PKP2: variants seen among roughly 807,000 people sequenced by gnomAD.
PKP2 encodes plakophilin 2, also known as plakophilin-2.
In PKP2, 73 loss-of-function variants were observed where a neutral mutation model predicts 83.4. That is an observed-to-expected ratio of 0.88 (90% confidence interval 0.72 to 1.06). The LOEUF is 1.06. PKP2 is among the 50% of genes least tolerant of loss of function. PKP2 has a pLI of 0.00. For missense variants in PKP2, 966 were observed against 1,065.4 expected, an observed-to-expected ratio of 0.91 and a Z score of 1.30; for synonymous variants, 409 against 430.4, an observed-to-expected ratio of 0.95 and a Z score of 0.62.
intron 1 of PKP2, among the ~76,000 whole-genome samples, 186 bp from the exon 2 acceptor site, chr12:32,879,218 A>G (rs1394181310): frequency 6.6e-6 from 1 of 152,238 alleles, no homozygotes; most frequent in Non-Finnish European, 1.5e-5. Context: ...AAGTGATCAA[A>G]GGTTATCAAA....
intron 9 of PKP2, among the ~76,000 whole-genome samples, chr12:32,805,786 C>T (rs1415722110): frequency 2.0e-5 from 3 of 152,144 alleles, no homozygotes; most frequent in Non-Finnish European, 2.9e-5. Context: ...CTTGGCTATT[C>T]GGCTCTTTTT....
chr12:32,887,144 C>A (rs1014481519), intron 1 of PKP2, among the ~76,000 whole-genome samples: 2 of 152,142 alleles, frequency 1.3e-5, no homozygotes, highest in African/African-American at 4.8e-5. Context: ...CATAATCAAC[C>A]ATGAGAAACA....
intron 1 of PKP2, among the ~76,000 whole-genome samples, chr12:32,887,641 G>A (rs890955701): frequency 6.6e-6 from 1 of 152,112 alleles, no homozygotes; most frequent in African/African-American, 2.4e-5. Flanking sequence ...TAGTAGAGAT[G>A]GGGTTTTGCC....
rs1377119048 is a variant in PKP2, at chr12:32,877,827, G to A, written c.1034+19C>T. On this transcript the variant is annotated intron_variant, in intron 3 of 12. Transcript: ENST00000340811. ...ATGTGCTGGCAATGACTGAACTGCA[G>A]AGTCAGGAGGGGACTTACCCCAGCT... The A allele has an allele frequency of 3.2e-6, 5 of 1,554,748 alleles. No individual in the cohort carries two copies. Among genetic ancestry groups the A allele is most frequent in the Non-Finnish European group, 4.4e-6 (5 of 1,126,246 alleles).
At chr12:32,871,933 C>T (rs796103764) in intron 3 of PKP2, among the ~76,000 whole-genome samples, 6 of 152,278 alleles carry the variant, frequency 3.9e-5, no homozygotes, top group African/African-American at 1.4e-4. Flanking sequence ...CCTCTATTCT[C>T]CTATAGCATT....
intron 11 of PKP2, among the ~76,000 whole-genome samples, chr12:32,794,259 A>G (rs3789978): frequency 0.23 from 35,047 of 152,078 alleles, 4,809 homozygotes; most frequent in East Asian, 0.56. Context: ...CTAATATTCA[A>G]AACTGTAAAA....
At chr12:32,871,923 C>T (rs1471635433) in intron 3 of PKP2, among the ~76,000 whole-genome samples, 1 of 152,116 alleles carries the variant, frequency 6.6e-6, no homozygotes, top group African/African-American at 2.4e-5. Context: ...GCTATTCTTT[C>T]CTCTATTCTC....
intron 9 of PKP2, among the ~76,000 whole-genome samples, chr12:32,803,733 C>A (rs751556537): frequency 1.3e-5 from 2 of 152,114 alleles, no homozygotes; most frequent in Non-Finnish European, 2.9e-5. Flanking sequence ...AGAACCAAGT[C>A]TAAATATGAA....
In PKP2 at chr12:32,796,365, T is replaced by C. The variant is rs529065299; in HGVS notation, c.2168-67A>G. ...TTGTTTCTTAATCCCAAGATCCCAA[T>C]ATATTTTGGGTGAAGAACATTCTTT... On this transcript the variant is annotated intron_variant, in intron 10 of 12. Transcript: ENST00000340811. 5.2e-6 allele frequency: 7 copies of C among 1,342,384 alleles called. No individual in the cohort carries two copies. The Admixed American group carries it at 1.1e-4, about 22-fold the overall frequency. The allele number at this position is 1,342,384 out of a possible 1,614,324, so 83.2% of individuals were successfully genotyped here.
At chr12:32,863,208 C>A in intron 4 of PKP2, 1 of 236,028 alleles carries the variant, frequency 4.2e-6, no homozygotes. Context: ...GTGTTTATGC[C>A]CGAGATGAAA....
At chr12:32,843,045 T>C in intron 5 of PKP2, 1 of 352,746 alleles carries the variant, frequency 2.8e-6, no homozygotes, top group Non-Finnish European at 5.6e-6. Context: ...AGTGGCACAA[T>C]CTTGGCTCAC....
At chr12:32,801,313 T>C (rs1956176067) in intron 10 of PKP2, among the ~76,000 whole-genome samples, 1 of 152,206 alleles carries the variant, frequency 6.6e-6, no homozygotes, top group African/African-American at 2.4e-5. Flanking sequence ...ATTTTTCATT[T>C]GGGAAAAGAA....
At chr12:32,854,630 G>A (rs1956729105) in intron 4 of PKP2, among the ~76,000 whole-genome samples, 1 of 151,986 alleles carries the variant, frequency 6.6e-6, no homozygotes, top group Non-Finnish European at 1.5e-5. Context: ...GAATCCTCGG[G>A]GTATTTTTCC....
In PKP2 at chr12:32,821,481, C is replaced by T. The variant is rs143038626; in HGVS notation, c.1888G>A (p.Val630Met). Reference sequence around the variant, plus strand: ...ACAATGGAATGCCACAGCCACTCCACGCCCTTGGGGTTGCTCTTTTCCTCC... The same window carrying T: ...ACAATGGAATGCCACAGCCACTCCATGCCCTTGGGGTTGCTCTTTTCCTCC... ...MPEEKSNPKG[V>M]EWLWHSIVIR... The change falls in exon 9 of 13, where the codon GTG (valine) becomes ATG (methionine). Residue 630 changes from valine to methionine, a missense_variant. By Grantham distance (21) the Val-to-Met change is conservative (BLOSUM62 1). Coordinates refer to ENST00000340811, the MANE Select transcript of PKP2 (RefSeq NM_001005242.3). 6.2e-5 allele frequency: 100 copies of T among 1,613,910 alleles called. No individual in the cohort carries two copies. Among genetic ancestry groups the T allele is most frequent in the African/African-American group, 5.5e-4 (41 of 74,900 alleles).
chr12:32,813,349 A>G (rs1956293926), intron 9 of PKP2, among the ~76,000 whole-genome samples: 1 of 152,218 alleles, frequency 6.6e-6, no homozygotes, highest in Non-Finnish European at 1.5e-5. Flanking sequence ...TTTCAAGTTC[A>G]TTTTGGGCCT....
chr12:32,878,613 T>C, intron 2 of PKP2, 70 bp from the exon 3 acceptor site: 1 of 1,206,938 alleles, frequency 8.3e-7, no homozygotes, highest in Non-Finnish European at 1.2e-6. Flanking sequence ...GACTAATTAC[T>C]CTGGGACTAT....
intron 1 of PKP2, among the ~76,000 whole-genome samples, chr12:32,886,470 T>G (rs753905061): frequency 7.9e-5 from 12 of 152,208 alleles, no homozygotes; most frequent in Admixed American, 2.6e-4. Context: ...TCAAAGACCA[T>G]ACGTATGTCC....
At chr12:32,822,656 G>A (rs973644234) in intron 7 of PKP2, 25 bp from the exon 8 acceptor site, 1 of 1,610,622 alleles carries the variant, frequency 6.2e-7, no homozygotes, top group Admixed American at 1.7e-5. Context: ...CAAGAATATT[G>A]ATCGTATACA....
At chr12:32,853,302 T>C (rs1219792579) in intron 4 of PKP2, among the ~76,000 whole-genome samples, 1 of 151,560 alleles carries the variant, frequency 6.6e-6, no homozygotes, top group Admixed American at 6.6e-5. Context: ...AATGCGAATA[T>C]TCCAAAATCT....
Sources: allele counts gnomAD v4.1 joint callset (sites outside exome capture counted in the v4.1 genomes callset), GRCh38; gene constraint gnomAD v4.1.1; transcripts MANE v1.5; gene names NCBI Gene and HGNC (gene_info 2026-07-23, HGNC 2026-07-21).